The following SHC3 variants were observed in gnomAD, a reference collection of about 807,000 sequenced individuals.
The protein encoded by SHC3 is SHC-transforming protein 3.
In SHC3, 15 loss-of-function variants were observed where a neutral mutation model predicts 60.4. The observed-to-expected ratio is 0.25, with a 90% CI of 0.17 to 0.38. SHC3 has a LOEUF of 0.38. Ranked by LOEUF, SHC3 falls within the 10% of genes least tolerant of loss-of-function variation. The pLI is 1.00. For synonymous variants in SHC3, 294 were observed against 325.9 expected (o/e 0.90, Z 1.05); for missense variants, 677 against 786.1 (o/e 0.86, Z 1.66).
Position 89,011,305 on chromosome 9 carries a change from G to A in SHC3, c.*2142C>T, listed in dbSNP as rs1826010954. 6.6e-6 allele frequency: 1 copy of A among 152,220 alleles called. No individual in the cohort carries two copies. Among genetic ancestry groups the A allele is most frequent in the Non-Finnish European group, 1.5e-5 (1 of 68,020 alleles). The allele number at this position is 152,220 out of a possible 1,614,324, so 9.4% of individuals were successfully genotyped here. A position where few individuals can be genotyped will look rare whatever the true frequency, so the allele number is the denominator to read the frequency against. The stretch of plus-strand genomic sequence containing the variant: ...ACTAAAGCTGCAGGTTACCATTCAA[G>A]TCCCCCCAAGAGAAAAATAAAGTAA... On this transcript the variant is annotated 3_prime_UTR_variant, in exon 12 of 12. Coordinates refer to ENST00000375835, the MANE Select transcript of SHC3 (RefSeq NM_016848.6).
intron 1 of SHC3, among the ~76,000 whole-genome samples, chr9:89,132,379 C>T (rs149321277): frequency 0.059 from 8,980 of 152,014 alleles, 354 homozygotes; most frequent in Admixed American, 0.11. Flanking sequence ...AAGCTATCGA[C>T]GACTTTCTTC....
chr9:89,036,750 T>C (rs990950773), intron 11 of SHC3, among the ~76,000 whole-genome samples: 3 of 152,164 alleles, frequency 2.0e-5, no homozygotes, highest in Admixed American at 2.0e-4. Flanking sequence ...TTTTTTCTTT[T>C]TTTGAAACAG....
At chr9:89,132,157 C>T (rs1288048135) in intron 1 of SHC3, among the ~76,000 whole-genome samples, 1 of 152,164 alleles carries the variant, frequency 6.6e-6, no homozygotes, top group African/African-American at 2.4e-5. Flanking sequence ...CTCCCATTCA[C>T]AATTGCTTCA....
At chr9:89,023,426 C>T (rs952031255) in intron 11 of SHC3, among the ~76,000 whole-genome samples, 7 of 152,190 alleles carry the variant, frequency 4.6e-5, no homozygotes, top group African/African-American at 1.7e-4. Flanking sequence ...TGAGAAGCAA[C>T]TCAGAAGTGT....
intron 11 of SHC3, among the ~76,000 whole-genome samples, chr9:89,032,652 A>G (rs1294923669): frequency 6.6e-6 from 1 of 152,162 alleles, no homozygotes; most frequent in African/African-American, 2.4e-5. Context: ...CACCTTACGA[A>G]CAGGGCTCAG....
At chr9:89,043,004 T>G (rs1824712530) in intron 9 of SHC3, among the ~76,000 whole-genome samples, 1 of 151,984 alleles carries the variant, frequency 6.6e-6, no homozygotes, top group Non-Finnish European at 1.5e-5. Context: ...CTTCTCGGAG[T>G]CTTTTTGTGT....
intron 1 of SHC3, among the ~76,000 whole-genome samples, chr9:89,158,437 C>T (rs1038877076): frequency 1.3e-5 from 2 of 152,132 alleles, no homozygotes; most frequent in African/African-American, 4.8e-5. Context: ...TGACCTAAAA[C>T]ATGGTATATC....
In SHC3 at chr9:89,076,800, G is replaced by T. The variant is rs10121512; in HGVS notation, c.609+1040C>A. ...TGGGAGCCAATTATTAAATTTTTCAGAATTTTATAATCTGACTATTAATCA... is the reference window on the plus strand; with the variant it reads ...TGGGAGCCAATTATTAAATTTTTCATAATTTTATAATCTGACTATTAATCA... On this transcript the variant is annotated intron_variant, in intron 3 of 11. Coordinates refer to ENST00000375835, the MANE Select transcript of SHC3 (RefSeq NM_016848.6). 1.9e-3 allele frequency among the ~76,000 whole-genome samples: 288 copies of T among 152,170 alleles called. 2 individuals are homozygous for T. Among genetic ancestry groups the T allele is most frequent in the African/African-American group, 6.5e-3 (270 of 41,520 alleles).
chr9:89,142,338 T>A (rs1223000367), intron 1 of SHC3, among the ~76,000 whole-genome samples: 2 of 152,148 alleles, frequency 1.3e-5, no homozygotes, highest in African/African-American at 4.8e-5. Context: ...GGCAGGTGGA[T>A]CACTTGAGGT....
chr9:89,133,399 T>C (rs917638950), intron 1 of SHC3, among the ~76,000 whole-genome samples: 1 of 152,200 alleles, frequency 6.6e-6, no homozygotes, highest in African/African-American at 2.4e-5. Flanking sequence ...GACCCAGTGA[T>C]TCCATTACTA....
intron 1 of SHC3, among the ~76,000 whole-genome samples, chr9:89,155,237 C>G (rs986951016): frequency 6.6e-6 from 1 of 152,154 alleles, no homozygotes; most frequent in Non-Finnish European, 1.5e-5. Context: ...TCAATACAAG[C>G]CTCCATTTCA....
At chr9:89,164,035 C>T (rs1216313165) in intron 1 of SHC3, among the ~76,000 whole-genome samples, 2 of 152,078 alleles carry the variant, frequency 1.3e-5, no homozygotes, top group African/African-American at 2.4e-5. Flanking sequence ...CTAACACCAT[C>T]GAATTAGGGT....
intron 3 of SHC3, among the ~76,000 whole-genome samples, chr9:89,076,040 A>G (rs983167024): frequency 6.6e-6 from 1 of 151,990 alleles, no homozygotes; most frequent in Non-Finnish European, 1.5e-5. Context: ...AATCCCCTGA[A>G]GGAGATATTT....
intron 9 of SHC3, 72 bp downstream of exon 9, chr9:89,045,674 G>A (rs988381292): frequency 5.0e-6 from 7 of 1,389,836 alleles, no homozygotes; most frequent in South Asian, 4.8e-5. Context: ...GAAAATAGGC[G>A]ACCCAGTGGT....
intron 11 of SHC3, among the ~76,000 whole-genome samples, chr9:89,021,553 G>A (rs532002601): frequency 1.3e-5 from 2 of 152,300 alleles, no homozygotes; most frequent in African/African-American, 4.8e-5. Flanking sequence ...CAGAAGCAAA[G>A]CAGAGAGAGA....
At chr9:89,106,680 C>T (rs958960784) in intron 2 of SHC3, among the ~76,000 whole-genome samples, 34 of 152,294 alleles carry the variant, frequency 2.2e-4, no homozygotes, top group African/African-American at 7.9e-4. Context: ...TGTGCCCACC[C>T]CTGCCACTGC....
At chr9:89,126,941 G>A (rs2118154716) in intron 1 of SHC3, among the ~76,000 whole-genome samples, 1 of 152,148 alleles carries the variant, frequency 6.6e-6, no homozygotes, top group Non-Finnish European at 1.5e-5. Context: ...ACCATGTGGT[G>A]GTACTTTCTC....
chr9:89,075,935 A>G (rs1825351053), intron 3 of SHC3, among the ~76,000 whole-genome samples: 1 of 152,118 alleles, frequency 6.6e-6, no homozygotes, highest in South Asian at 2.1e-4. Flanking sequence ...TGGGTGGGCA[A>G]TGCCCTTTGG....
chr9:89,040,637 G>A (rs1189572518), intron 10 of SHC3, among the ~76,000 whole-genome samples: 2 of 152,196 alleles, frequency 1.3e-5, no homozygotes, highest in Non-Finnish European at 2.9e-5. Context: ...TCCAGCAAAA[G>A]CTTGGAGAGC....
Sources: gnomAD v4.1 joint callset for allele counts (sites outside exome capture counted in the v4.1 genomes callset) on GRCh38, gnomAD v4.1.1 for gene constraint, MANE v1.5 for transcripts, NCBI Gene and HGNC (gene_info 2026-07-23, HGNC 2026-07-21) for gene names.